The following PNLIPRP3 variants were observed in gnomAD, a reference collection of about 807,000 sequenced individuals.
PNLIPRP3 encodes pancreatic lipase-related protein 3.
PNLIPRP3 carries 58 observed loss-of-function variants against 52.8 expected under a neutral mutation model. That is an observed-to-expected ratio of 1.10 (90% CI 0.89 to 1.37). The LOEUF (loss-of-function observed/expected upper bound fraction) is 1.37. PNLIPRP3 is among the 40% of genes most tolerant of loss of function. The probability of loss-of-function intolerance (pLI) is 0.00; values close to 1 mark genes in which losing one functional copy is unlikely to be tolerated. For missense variants in PNLIPRP3, 593 were observed against 561.6 expected (o/e 1.06, Z -0.57); for synonymous variants, 192 against 185.0 (o/e 1.04, Z -0.31).
At chr10:116,460,465 T>A (rs1344175637) in intron 5 of PNLIPRP3, among the ~76,000 whole-genome samples, 1 of 152,200 alleles carries the variant, frequency 6.6e-6, no homozygotes, top group East Asian at 1.9e-4. Flanking sequence ...CCTTGTCCAG[T>A]CACTTCACTT....
chr10:116,441,131 T>G (rs1389035438), intron 2 of PNLIPRP3, among the ~76,000 whole-genome samples: 3 of 152,180 alleles, frequency 2.0e-5, no homozygotes, highest in Non-Finnish European at 2.9e-5. Flanking sequence ...CCCACATTTA[T>G]GTTGAAAAGC....
chr10:116,464,792 G>A (rs914242884), intron 7 of PNLIPRP3, among the ~76,000 whole-genome samples: 1 of 152,210 alleles, frequency 6.6e-6, no homozygotes, highest in Admixed American at 6.5e-5. Flanking sequence ...TTGTGTTACA[G>A]CTCATTTGTT....
At chr10:116,472,193 T>G (rs1367318391) in intron 10 of PNLIPRP3, among the ~76,000 whole-genome samples, 2 of 152,216 alleles carry the variant, frequency 1.3e-5, no homozygotes, top group Non-Finnish European at 2.9e-5. Context: ...TCACTTAATA[T>G]TATACAAATA....
chr10:116,466,121 G>A lies in PNLIPRP3; in HGVS notation c.880G>A (p.Asp294Asn), dbSNP rs1846279739. The change falls in exon 8 of 12, where the codon GAT (aspartate) becomes AAT (asparagine). Residue 294 changes from aspartate (D) to asparagine (N), a missense_variant. Transcript: ENST00000369230. Reference protein sequence around the residue: ...QFYAESILNPDAFIAYPCRSY... With the variant: ...QFYAESILNPNAFIAYPCRSY... ...TTATGCTGAAAGCATTCTTAATCCT[G>A]ATGCATTTATTGCTTATCCTTGTAG... 2.5e-6 allele frequency: 4 copies of A among 1,613,540 alleles called. No homozygotes were observed. Among genetic ancestry groups the A allele is most frequent in the Non-Finnish European group, 2.5e-6 (3 of 1,179,746 alleles).
intron 7 of PNLIPRP3, among the ~76,000 whole-genome samples, chr10:116,464,097 CT>C (rs1589988125): frequency 6.6e-6 from 1 of 152,130 alleles, no homozygotes; most frequent in East Asian, 1.9e-4. Context: ...TCCAATAATC[CT>C]AACTATTGAT....
At chr10:116,439,574 G>A in intron 2 of PNLIPRP3, 1 of 836,018 alleles carries the variant, frequency 1.2e-6, no homozygotes, top group Non-Finnish European at 2.0e-6. Flanking sequence ...TCGACTTATA[G>A]TCAGCAACAT....
intron 10 of PNLIPRP3, among the ~76,000 whole-genome samples, chr10:116,472,539 T>C (rs1001181304): frequency 3.9e-5 from 6 of 152,360 alleles, no homozygotes; most frequent in African/African-American, 1.2e-4. Context: ...AGGTGTTTTA[T>C]CTCTGTGATT....
chr10:116,456,906 C>T (rs1200137911), intron 5 of PNLIPRP3, among the ~76,000 whole-genome samples: 1 of 152,234 alleles, frequency 6.6e-6, no homozygotes. Context: ...CCCGCTGGTG[C>T]CCCAGCCTAG....
At chr10:116,432,207 A>G (rs1845717361) in intron 1 of PNLIPRP3, among the ~76,000 whole-genome samples, 1 of 152,196 alleles carries the variant, frequency 6.6e-6, no homozygotes, top group African/African-American at 2.4e-5. Flanking sequence ...TATTTCTTGA[A>G]TAGATTATCG....
intron 7 of PNLIPRP3, among the ~76,000 whole-genome samples, chr10:116,465,076 T>C (rs1407466600): frequency 6.6e-6 from 1 of 152,168 alleles, no homozygotes; most frequent in Non-Finnish European, 1.5e-5. Flanking sequence ...AAACAGCTCT[T>C]GGATGAGAGG....
intron 7 of PNLIPRP3, among the ~76,000 whole-genome samples, chr10:116,463,210 C>T (rs1163260443): frequency 3.2e-4 from 1 of 3,124 alleles, no homozygotes; most frequent in Admixed American, 9.8e-3. Context: ...TGAACAATTA[C>T]AAGAAAAATT....
At position 116,469,323 on chromosome 10, in the gene PNLIPRP3, T is replaced by C; in HGVS notation, c.1060+6T>C. ...GTCCCTTTCCCCATTTGCCCGTAAG[T>C]ATCATAGCTAAGTTTAATTGTAATG... On this transcript the variant is annotated splice_donor_region_variant and intron_variant, in intron 9 of 11. Transcript: ENST00000369230. 1.9e-6 allele frequency: 3 copies of C among 1,596,224 alleles called. No homozygotes were observed. Among genetic ancestry groups the C allele is most frequent in the Non-Finnish European group, 1.7e-6 (2 of 1,173,128 alleles).
At chr10:116,460,131 G>A (rs1454332298) in intron 5 of PNLIPRP3, among the ~76,000 whole-genome samples, 1 of 152,166 alleles carries the variant, frequency 6.6e-6, no homozygotes, top group Non-Finnish European at 1.5e-5. Flanking sequence ...TGGCTTCTCT[G>A]TGCTTGGATA....
At chr10:116,439,851 C>A in intron 2 of PNLIPRP3, 1 of 780,822 alleles carries the variant, frequency 1.3e-6, no homozygotes. Context: ...CTTTAATCAC[C>A]TTTGCCATTT....
chr10:116,441,377 T>C (rs770895667), intron 2 of PNLIPRP3, among the ~76,000 whole-genome samples: 20 of 152,210 alleles, frequency 1.3e-4, no homozygotes, highest in Non-Finnish European at 2.8e-4. Flanking sequence ...TATTCTCATG[T>C]TGAGAAAAGA....
chr10:116,444,635 T>G, intron 4 of PNLIPRP3, 122 bp downstream of exon 4: 1 of 1,013,318 alleles, frequency 9.9e-7, no homozygotes, highest in South Asian at 1.7e-5. Context: ...TGTGAAATAA[T>G]AAGCATTTGT....
intron 8 of PNLIPRP3, among the ~76,000 whole-genome samples, chr10:116,468,038 T>A (rs1216882619): frequency 2.2e-5 from 3 of 137,928 alleles, no homozygotes; most frequent in Non-Finnish European, 4.5e-5. Context: ...GGCAGGAGAA[T>A]GGCATCAACC....
At position 116,436,883 on chromosome 10, in the gene PNLIPRP3, C is replaced by A. The variant is rs1845782384; in HGVS notation, c.204+18C>A. ...CCTATCAGGTAAGCTAACTTGCAGC[C>A]TTCACACATGGATTATTCTAAAATA... On this transcript the variant is annotated intron_variant, in intron 2 of 11. Transcript: ENST00000369230. 1 of 1,558,372 alleles carries A rather than the reference C, an allele frequency of 6.4e-7. No individual in the cohort carries two copies. Among genetic ancestry groups the A allele is most frequent in the Non-Finnish European group, 8.7e-7 (1 of 1,146,754 alleles).
intron 3 of PNLIPRP3, among the ~76,000 whole-genome samples, chr10:116,444,134 C>T (rs1483428012): frequency 6.6e-6 from 1 of 151,898 alleles, no homozygotes; most frequent in East Asian, 1.9e-4. Flanking sequence ...CATAAGAACT[C>T]ACTATCACGA....
Sources: gnomAD v4.1 joint callset for allele counts (sites outside exome capture counted in the v4.1 genomes callset) on GRCh38, gnomAD v4.1.1 for gene constraint, MANE v1.5 for transcripts, NCBI Gene and HGNC (gene_info 2026-07-23, HGNC 2026-07-21) for gene names.